DIAPH2: variants seen among roughly 807,000 people sequenced by gnomAD.
DIAPH2 encodes the protein protein diaphanous homolog 2.
DIAPH2 carries 35 observed loss-of-function variants against 92.7 expected under a neutral mutation model. The observed-to-expected ratio is 0.38, with a 90% CI of 0.29 to 0.50. DIAPH2 has a LOEUF of 0.50. DIAPH2 is among the 20% of genes least tolerant of loss of function. DIAPH2 has a pLI of 0.94. For missense variants in DIAPH2, 701 were observed against 819.5 expected (o/e 0.86, Z 1.77); for synonymous variants, 301 against 280.4 (o/e 1.07, Z -0.73).
intron 24 of DIAPH2, among the ~76,000 whole-genome samples, chrX:97,382,209 T>C (rs2069556083): frequency 1.8e-5 from 2 of 112,663 alleles, no homozygotes; most frequent in Admixed American, 9.4e-5. Flanking sequence ...ACTTCCATCC[T>C]GTCTTTCTTA....
At chrX:97,280,689 T>C (rs747881947) in intron 23 of DIAPH2, among the ~76,000 whole-genome samples, 109 of 111,132 alleles carry the variant, frequency 9.8e-4, no homozygotes, top group African/African-American at 3.4e-3. Flanking sequence ...TTTGGAATCA[T>C]ATAGTTTTGA....
rs146696922 is a variant in DIAPH2, at chrX:97,273,409, A to G, written c.2844+25570A>G. On this transcript the variant is annotated intron_variant, in intron 23 of 26. Coordinates refer to ENST00000324765, the MANE Select transcript of DIAPH2 (RefSeq NM_006729.5). Reference sequence around the variant, plus strand: ...AACCTACATTTACTGAATGCAAACTACTGGCCAGTTCCTGTATTTAGGCAT... The same window carrying G: ...AACCTACATTTACTGAATGCAAACTGCTGGCCAGTTCCTGTATTTAGGCAT... 9.5e-3 allele frequency among the ~76,000 whole-genome samples: 1,055 copies of G among 111,254 alleles called. 23 individuals carry two copies. In the East Asian group the frequency reaches 0.15, roughly 16 times the overall value.
chrX:97,119,407 T>A (rs964294091), intron 21 of DIAPH2, among the ~76,000 whole-genome samples: 12 of 111,636 alleles, frequency 1.1e-4, no homozygotes, highest in Admixed American at 1.9e-4. Context: ...ATGTGAACCA[T>A]CTATGGGCCT....
At chrX:97,536,927 C>A (rs1747035209) in intron 26 of DIAPH2, among the ~76,000 whole-genome samples, 1 of 111,809 alleles carries the variant, frequency 8.9e-6, no homozygotes, top group African/African-American at 3.2e-5. Context: ...GCTGAATAAA[C>A]CATAATCTCT....
rs891880856 is a variant in DIAPH2, at chrX:97,383,912, G to A, written c.3013G>A (p.Ala1005Thr). 7 of 1,190,804 alleles carry A rather than the reference G, an allele frequency of 5.9e-6. No individual in the cohort carries two copies. The highest frequency in any genetic ancestry group is 5.6e-6 in the Non-Finnish European group (5 of 886,986). ...LNNFRTLFLE[A>T]VRENNKRREM... ...TTAACTTTGTTTATATGTATAGGAA[G>A]CAGTGAGAGAAAACAATAAGAGAAG... The change falls in exon 25 of 27, where the codon GCA becomes ACA. Residue 1005 changes from alanine to threonine, a missense_variant. By Grantham distance (58) the Ala-to-Thr change is moderately conservative. Around this residue, in one of 3 missense-constraint regions of DIAPH2, gnomAD observed 536 missense variants for 599.3 expected, o/e 0.89. Coordinates refer to ENST00000324765, the MANE Select transcript of DIAPH2 (RefSeq NM_006729.5).
At chrX:97,188,276 T>C (rs1470972239) in intron 22 of DIAPH2, among the ~76,000 whole-genome samples, 1 of 111,665 alleles carries the variant, frequency 9.0e-6, no homozygotes, top group African/African-American at 3.2e-5. Context: ...ACACCATCAG[T>C]GTCCACAGAG....
chrX:97,075,307 TTGGACTATTCTCTTCTCAA>T, intron 19 of DIAPH2, 46 bp downstream of exon 19: 1 of 891,313 alleles, frequency 1.1e-6, no homozygotes, highest in Non-Finnish European at 1.6e-6. Flanking sequence ...ACAGATTTTT[TTGGACTATTCTCTTCTCAA>T]TGGAGTTGTA....
At chrX:96,798,895 C>G (rs1377066811) in intron 4 of DIAPH2, among the ~76,000 whole-genome samples, 1 of 111,211 alleles carries the variant, frequency 9.0e-6, no homozygotes, top group Non-Finnish European at 1.9e-5. Flanking sequence ...GATCAGAACT[C>G]AAATGTCTCT....
At chrX:96,861,180 G>A (rs1372015728) in intron 4 of DIAPH2, among the ~76,000 whole-genome samples, 1 of 111,328 alleles carries the variant, frequency 9.0e-6, no homozygotes, top group Non-Finnish European at 1.9e-5. Flanking sequence ...GCTGTGATAG[G>A]ATGGAACAAT....
intron 22 of DIAPH2, among the ~76,000 whole-genome samples, chrX:97,147,780 A>T (rs1481968739): frequency 9.0e-6 from 1 of 111,459 alleles, no homozygotes; most frequent in Non-Finnish European, 1.9e-5. Context: ...ATAAATTATT[A>T]TAATTTTAAC....
chrX:97,185,463 A>G (rs866148477), intron 22 of DIAPH2, among the ~76,000 whole-genome samples: 3 of 30,158 alleles, frequency 9.9e-5, no homozygotes, highest in Middle Eastern at 0.022. Context: ...GTGTATATAT[A>G]TATATATACA....
intron 24 of DIAPH2, among the ~76,000 whole-genome samples, chrX:97,351,720 G>A (rs1240118804): frequency 1.8e-5 from 2 of 110,639 alleles, no homozygotes; most frequent in East Asian, 2.8e-4. Context: ...GGAGAATAGC[G>A]TGAACCTGGG....
intron 17 of DIAPH2, among the ~76,000 whole-genome samples, chrX:96,993,691 A>G (rs2066086797): frequency 8.9e-6 from 1 of 111,993 alleles, no homozygotes; most frequent in Admixed American, 9.5e-5. Flanking sequence ...GGGACTCAGA[A>G]CGTAACTATA....
At chrX:97,401,415 G>A (rs943408216) in intron 25 of DIAPH2, among the ~76,000 whole-genome samples, 3 of 110,753 alleles carry the variant, frequency 2.7e-5, no homozygotes, top group East Asian at 2.9e-4. Flanking sequence ...TTGCTTTCTC[G>A]AGGTTCATCC....
intron 13 of DIAPH2, among the ~76,000 whole-genome samples, 169 bp downstream of exon 13, chrX:96,942,305 A>G (rs1314523968): frequency 1.8e-5 from 2 of 110,976 alleles, no homozygotes; most frequent in African/African-American, 6.5e-5. Context: ...ATTGTTAATT[A>G]TAATGATCAT....
At chrX:97,248,732 T>G (rs1023075123) in intron 23 of DIAPH2, among the ~76,000 whole-genome samples, 2 of 112,057 alleles carry the variant, frequency 1.8e-5, no homozygotes, top group Admixed American at 1.9e-4. Context: ...GGCAGTCACC[T>G]TGTTTCAAGG....
At chrX:97,474,574 G>A (rs2070589236) in intron 26 of DIAPH2, among the ~76,000 whole-genome samples, 2 of 110,932 alleles carry the variant, frequency 1.8e-5, no homozygotes, top group African/African-American at 6.6e-5. Context: ...AGACCAGCCT[G>A]GCTGACATGG....
intron 19 of DIAPH2, among the ~76,000 whole-genome samples, chrX:97,090,298 CTTTTTTTTTTTT>C (rs760073834): frequency 6.4e-4 from 25 of 38,868 alleles, no homozygotes; most frequent in African/African-American, 1.9e-3. Flanking sequence ...TCTCTGATCC[CTTTTTTTTTTTT>C]TTTTTTTTTT....
chrX:97,591,447 A>T (rs746355166), intron 26 of DIAPH2, among the ~76,000 whole-genome samples: 45 of 112,522 alleles, frequency 4.0e-4, no homozygotes, highest in Non-Finnish European at 7.3e-4. Flanking sequence ...GACAGAAGAA[A>T]GCCTTTCCTT....
Sources: allele counts gnomAD v4.1 joint callset (sites outside exome capture counted in the v4.1 genomes callset), GRCh38; gene constraint gnomAD v4.1.1; regional missense constraint gnomAD v4.1.1; transcripts MANE v1.5; gene names NCBI Gene and HGNC (gene_info 2026-07-23, HGNC 2026-07-21).